Variants in ANKRD22 observed in about 807,000 individuals in gnomAD.
ANKRD22 encodes the protein ankyrin repeat domain 22.
A neutral mutation model predicts 25.7 loss-of-function variants in ANKRD22; 24 were observed. The observed-to-expected ratio is 0.93, with a 90% CI of 0.68 to 1.31. ANKRD22 has a LOEUF of 1.31. ANKRD22 is among the 50% of genes most tolerant of loss of function. The probability of loss-of-function intolerance (pLI) is 0.00; values close to 1 mark genes in which losing one functional copy is unlikely to be tolerated. For synonymous variants in ANKRD22, 84 were observed against 84.3 expected (o/e 1.00, Z 0.02); for missense variants, 214 against 227.1 (o/e 0.94, Z 0.37).
At chr10:88,823,721 C>A (rs1019187009) in intron 4 of ANKRD22, among the ~76,000 whole-genome samples, 4 of 149,412 alleles carry the variant, frequency 2.7e-5, no homozygotes, top group African/African-American at 9.9e-5. Context: ...CCAGCTACTC[C>A]GGAGGCTGAG....
rs200029497 is a variant in ANKRD22 at position 88,851,611 on chromosome 10, G to T, written c.-4C>A. The T allele has an allele frequency of 1.4e-4, 221 of 1,613,226 alleles. 1 individual carries two copies. Among genetic ancestry groups the T allele is most frequent in the Middle Eastern group, 1.7e-4 (1 of 6,056 alleles). On this transcript the variant is annotated 5_prime_UTR_variant, in exon 1 of 6. Transcript: ENST00000371930. Reference sequence around the variant, plus strand: ...CCTCAGAGTATAGGATTCCCATGCTGGTCCTTCACAGGCTTACTTCACCTC... The same window carrying T: ...CCTCAGAGTATAGGATTCCCATGCTTGTCCTTCACAGGCTTACTTCACCTC...
intron 1 of ANKRD22, among the ~76,000 whole-genome samples, chr10:88,849,730 C>G (rs1164096141): frequency 2.6e-5 from 4 of 152,066 alleles, no homozygotes; most frequent in Admixed American, 6.6e-5. Flanking sequence ...ATATTATGAA[C>G]AAATACCTTT....
chr10:88,848,403 AT>A (rs1250688147), intron 1 of ANKRD22, among the ~76,000 whole-genome samples: 1 of 152,066 alleles, frequency 6.6e-6, no homozygotes, highest in African/African-American at 2.4e-5. Flanking sequence ...CAACATTTTA[AT>A]TTGTAAAATT....
At chr10:88,843,444 C>T (rs1844021321) in intron 1 of ANKRD22, among the ~76,000 whole-genome samples, 1 of 152,146 alleles carries the variant, frequency 6.6e-6, no homozygotes, top group African/African-American at 2.4e-5. Flanking sequence ...GAAAACGTTG[C>T]CTTTGCAGAA....
At chr10:88,843,829 T>C (rs1196526652) in intron 1 of ANKRD22, among the ~76,000 whole-genome samples, 1 of 152,154 alleles carries the variant, frequency 6.6e-6, no homozygotes, top group Non-Finnish European at 1.5e-5. Flanking sequence ...AACTCTCACA[T>C]AACCTACTAT....
At chr10:88,831,744 A>T in intron 2 of ANKRD22, 91 bp downstream of exon 2, 1 of 1,324,748 alleles carries the variant, frequency 7.5e-7, no homozygotes, top group Non-Finnish European at 1.0e-6. Flanking sequence ...GCTGCAAGCA[A>T]TTTAAAAAAT....
intron 4 of ANKRD22, among the ~76,000 whole-genome samples, chr10:88,825,003 TCTCTCTCTCA>T (rs752009215): frequency 7.7e-5 from 7 of 91,170 alleles, no homozygotes; most frequent in African/African-American, 1.6e-4. Flanking sequence ...TCTCTCTCTC[TCTCTCTCTCA>T]CACACACACA....
chr10:88,849,748 G>A (rs567938075), intron 1 of ANKRD22, among the ~76,000 whole-genome samples: 2 of 152,096 alleles, frequency 1.3e-5, no homozygotes, highest in Non-Finnish European at 2.9e-5. Flanking sequence ...TTTGATAAGG[G>A]TTTAAATGAA....
chr10:88,842,537 C>T (rs1201717027), intron 1 of ANKRD22, among the ~76,000 whole-genome samples: 1 of 152,110 alleles, frequency 6.6e-6, no homozygotes, highest in African/African-American at 2.4e-5. Context: ...GATCTCAATA[C>T]TTTCCAAGAG....
intron 1 of ANKRD22, among the ~76,000 whole-genome samples, chr10:88,834,857 C>T (rs575279005): frequency 1.3e-5 from 2 of 152,112 alleles, no homozygotes; most frequent in Admixed American, 6.5e-5. Flanking sequence ...ACAGGAGAAT[C>T]GCTTGATTCG....
In ANKRD22 at chr10:88,820,433, G is replaced by A. The variant is rs1379101416; in HGVS notation, c.*2508C>T. ...GGATGCTCCTCACCGTATGTACAAT[G>A]AAATCATCCATCTGATGCAGCAGGA... is the stretch of plus-strand genomic sequence containing the variant. On this transcript the variant is annotated 3_prime_UTR_variant, in exon 6 of 6. Transcript: ENST00000371930. 3.9e-6 allele frequency: 6 copies of A among 1,552,002 alleles called. No homozygotes were observed. The African/African-American group carries it at 4.1e-5, about 11-fold the overall frequency.
intron 1 of ANKRD22, among the ~76,000 whole-genome samples, chr10:88,843,275 G>A (rs1024959230): frequency 6.6e-5 from 10 of 152,028 alleles, no homozygotes; most frequent in African/African-American, 1.9e-4. Flanking sequence ...ATATAGAAAC[G>A]GGAAGTCCTG....
intron 2 of ANKRD22, among the ~76,000 whole-genome samples, chr10:88,831,334 C>A (rs1324960180): frequency 6.6e-6 from 1 of 152,130 alleles, no homozygotes; most frequent in Non-Finnish European, 1.5e-5. Flanking sequence ...CTTCAAGTAA[C>A]CTCTGGCTCA....
In ANKRD22 at chr10:88,821,923, C is replaced by G. The variant is rs2133067350; in HGVS notation, c.*1018G>C. ...CAATCTCTCACTTAGACAAATAATC[C>G]AGATCCTACCTCATTGTATAGCTCT... On this transcript the variant is annotated 3_prime_UTR_variant, in exon 6 of 6. Coordinates refer to ENST00000371930, the MANE Select transcript of ANKRD22 (RefSeq NM_144590.3). 6.6e-6 allele frequency among the ~76,000 whole-genome samples: 1 copy of G among 152,284 alleles called. No homozygotes were observed. Among genetic ancestry groups the G allele is most frequent in the Non-Finnish European group, 1.5e-5 (1 of 68,002 alleles).
At chr10:88,837,764 G>T (rs1843967387) in intron 1 of ANKRD22, among the ~76,000 whole-genome samples, 1 of 152,144 alleles carries the variant, frequency 6.6e-6, no homozygotes, top group African/African-American at 2.4e-5. Flanking sequence ...ATAGGGGTGG[G>T]TCTTTCCCAT....
rs1167600663 is a variant in ANKRD22 at position 88,822,779 on chromosome 10, C to A, written c.*162G>T. The A allele has an allele frequency of 1.5e-6, 1 of 665,412 alleles. No individual in the cohort carries two copies. Among genetic ancestry groups the A allele is most frequent in the African/African-American group, 1.8e-5 (1 of 55,308 alleles). The allele number at this position is 665,412 out of a possible 1,614,324, so 41.2% of individuals were successfully genotyped here. A position where few individuals can be genotyped will look rare whatever the true frequency, so the allele number is the denominator to read the frequency against. The stretch of plus-strand genomic sequence containing the variant: ...GGTGAACTTGACTGAGTAAACAATG[C>A]TATAAATAAAAAGCTCTTCCAAAAC... On this transcript the variant is annotated 3_prime_UTR_variant, in exon 6 of 6. Coordinates refer to ENST00000371930, the MANE Select transcript of ANKRD22 (RefSeq NM_144590.3).
At position 88,826,199 on chromosome 10, in the gene ANKRD22, T is replaced by C; in HGVS notation, c.322-84A>G. On this transcript the variant is annotated intron_variant, in intron 3 of 5. Transcript: ENST00000371930. ...CCTGAGACTATTTAATCAATAGGCT[T>C]CATTTTAATCCCAACACTCCTATGC... is the stretch of plus-strand genomic sequence containing the variant. The C allele has an allele frequency of 2.6e-6, 3 of 1,167,750 alleles. No homozygotes were observed. In the Admixed American group the frequency reaches 6.0e-5, roughly 23 times the overall value. 72.3% of individuals were successfully genotyped at this position (1,167,750 alleles called of 1,614,324 possible).
chr10:88,846,757 C>T (rs1246511327), intron 1 of ANKRD22, among the ~76,000 whole-genome samples: 2 of 152,132 alleles, frequency 1.3e-5, no homozygotes, highest in African/African-American at 2.4e-5. Context: ...TCCTTGGTAT[C>T]CTGATTGCCC....
intron 4 of ANKRD22, among the ~76,000 whole-genome samples, chr10:88,824,038 A>C (rs1373196822): frequency 6.6e-6 from 1 of 152,116 alleles, no homozygotes; most frequent in African/African-American, 2.4e-5. Flanking sequence ...CTTTCCCTTA[A>C]AGAGTCTCCA....
Sources: allele counts gnomAD v4.1 joint callset (sites outside exome capture counted in the v4.1 genomes callset), GRCh38; gene constraint gnomAD v4.1.1; transcripts MANE v1.5; gene names NCBI Gene and HGNC (gene_info 2026-07-23, HGNC 2026-07-21).